Variants in DOCK1 observed in about 807,000 individuals in gnomAD.
DOCK1 encodes the protein dedicator of cytokinesis protein 1.
Under a neutral mutation model 262.7 loss-of-function variants are expected in DOCK1, and 138 were observed. The ratio of observed to expected loss-of-function variants is 0.53; its 90% CI spans 0.46 to 0.61. DOCK1 has a LOEUF of 0.61. Among genes scored for constraint, DOCK1 ranks in the 20% least tolerant of loss-of-function variants. The pLI is 0.00. For missense variants in DOCK1, 1,908 were observed against 2,370.7 expected (o/e 0.80, Z 4.05); for synonymous variants, 866 against 867.4 (o/e 1.00, Z 0.03).
intron 29 of DOCK1, among the ~76,000 whole-genome samples, chr10:127,336,580 C>T (rs1397183379): frequency 6.6e-6 from 1 of 151,238 alleles, no homozygotes; most frequent in African/African-American, 2.4e-5. Flanking sequence ...CACTCTGTCA[C>T]CCAGGCTGGA....
chr10:127,147,040 A>G (rs777303568), intron 27 of DOCK1, among the ~76,000 whole-genome samples: 1 of 152,176 alleles, frequency 6.6e-6, no homozygotes, highest in Non-Finnish European at 1.5e-5. Context: ...TTGGTGTTGT[A>G]ATACATTACC....
At position 127,439,225 on chromosome 10, in the gene DOCK1, G is replaced by A. The variant is rs2069905045; in HGVS notation, c.5259G>A (p.Thr1753=). ...CTGAGGCTGTGATCCTTTCGGAAAC[G>A]GTAACCCGACAGGGTATCTTTCCTC... ...QQSEAVILSE[T]ISPLRPQRPK... Residue 1753 remains threonine, a splice_region_variant and synonymous_variant, in exon 49 of 52, where the codon ACG becomes ACA. Transcript: ENST00000623213. 3.1e-6 allele frequency: 5 copies of A among 1,607,310 alleles called. No individual in the cohort carries two copies. Among genetic ancestry groups the A allele is most frequent in the South Asian group, 1.1e-5 (1 of 89,054 alleles).
intron 35 of DOCK1, among the ~76,000 whole-genome samples, chr10:127,379,340 C>T (rs1035809401): frequency 6.6e-6 from 1 of 152,232 alleles, no homozygotes; most frequent in Non-Finnish European, 1.5e-5. Context: ...CTTTCTCCAT[C>T]AGTGTTTATA....
At chr10:127,306,281 C>G (rs2061872817) in intron 29 of DOCK1, among the ~76,000 whole-genome samples, 1 of 152,128 alleles carries the variant, frequency 6.6e-6, no homozygotes, top group African/African-American at 2.4e-5. Flanking sequence ...TTCCAGAGTG[C>G]TGGGATTACA....
intron 29 of DOCK1, among the ~76,000 whole-genome samples, chr10:127,336,675 G>A (rs1056052867): frequency 2.6e-5 from 4 of 151,982 alleles, no homozygotes; most frequent in African/African-American, 4.8e-5. Flanking sequence ...AAGTAGCTGG[G>A]ACTGCAGGTG....
At chr10:127,207,451 A>G (rs181346360) in intron 27 of DOCK1, among the ~76,000 whole-genome samples, 1 of 152,362 alleles carries the variant, frequency 6.6e-6, no homozygotes, top group East Asian at 1.9e-4. Context: ...GGCCTTGTTT[A>G]ACTTGTACCT....
intron 27 of DOCK1, among the ~76,000 whole-genome samples, chr10:127,159,628 G>T (rs2053410141): frequency 6.6e-6 from 1 of 152,110 alleles, no homozygotes; most frequent in Non-Finnish European, 1.5e-5. Flanking sequence ...ATGCACCTTT[G>T]TATATTTATT....
At chr10:126,941,545 A>G (rs1273946503) in intron 1 of DOCK1, among the ~76,000 whole-genome samples, 5 of 152,274 alleles carry the variant, frequency 3.3e-5, no homozygotes, top group East Asian at 1.9e-4. Flanking sequence ...TCACGAGGTC[A>G]GGAGATCGAG....
intron 1 of DOCK1, among the ~76,000 whole-genome samples, chr10:126,951,801 C>T (rs1252984255): frequency 6.6e-6 from 1 of 151,604 alleles, no homozygotes; most frequent in African/African-American, 2.4e-5. Flanking sequence ...TCTTCATTTA[C>T]ATTGGGTGTA....
At chr10:127,310,097 A>G (rs866936850) in intron 29 of DOCK1, among the ~76,000 whole-genome samples, 2 of 151,726 alleles carry the variant, frequency 1.3e-5, no homozygotes, top group South Asian at 2.1e-4. Flanking sequence ...CTGGTCTCGA[A>G]CTCCCAACCT....
At chr10:127,352,034 C>T (rs1439190212) in intron 31 of DOCK1, among the ~76,000 whole-genome samples, 1 of 151,196 alleles carries the variant, frequency 6.6e-6, no homozygotes, top group Non-Finnish European at 1.5e-5. Flanking sequence ...TCCCCCAGTT[C>T]TCAAATACTA....
intron 27 of DOCK1, chr10:127,196,294 G>A (rs2057141731): frequency 6.7e-6 from 1 of 148,906 alleles, no homozygotes; most frequent in Non-Finnish European, 1.5e-5. Context: ...GGGAGGCAGC[G>A]GCTGGGCCAG....
At position 126,947,371 on chromosome 10, in the gene DOCK1, TTGG is replaced by T. The variant is rs1231313074; in HGVS notation, c.47-23325_47-23323del. Among the ~76,000 whole-genome samples the T allele has an allele frequency of 2.0e-3, 240 of 118,466 alleles. No individual in the cohort carries two copies. The East Asian group carries it at 0.023, about 11-fold the overall frequency. 77.7% of individuals were successfully genotyped at this position (118,466 alleles called of 152,430 possible). On this transcript the variant is annotated intron_variant, in intron 1 of 51. Transcript: ENST00000623213. ...ATGGTGGTGGTTGGTAGTATTACTG[TTGG>T]TGGTGATGGTGGTAGTTGGTAGTAT... is the stretch of plus-strand genomic sequence containing the variant.
At chr10:127,244,016 G>C (rs1332651311) in intron 27 of DOCK1, among the ~76,000 whole-genome samples, 1 of 151,912 alleles carries the variant, frequency 6.6e-6, no homozygotes, top group Non-Finnish European at 1.5e-5. Context: ...ATTTTCTCAT[G>C]CTATTAAAAT....
At chr10:127,000,401 C>A in intron 10 of DOCK1, 94 bp downstream of exon 10, 1 of 1,471,548 alleles carries the variant, frequency 6.8e-7, no homozygotes, top group Non-Finnish European at 9.1e-7. Context: ...CAATGCACAG[C>A]TGTGATTTAT....
At chr10:127,028,136 A>G (rs1365245484) in intron 16 of DOCK1, among the ~76,000 whole-genome samples, 2 of 152,114 alleles carry the variant, frequency 1.3e-5, no homozygotes, top group African/African-American at 4.8e-5. Flanking sequence ...CCAACAGTGC[A>G]TGCAGGCCAG....
intron 27 of DOCK1, among the ~76,000 whole-genome samples, chr10:127,153,463 C>G (rs1174046479): frequency 1.3e-5 from 2 of 152,202 alleles, no homozygotes; most frequent in Non-Finnish European, 2.9e-5. Flanking sequence ...CAGCCCAGGT[C>G]TTTCCATGGT....
chr10:126,961,556 C>T (rs1042012388), intron 1 of DOCK1, among the ~76,000 whole-genome samples: 40 of 152,288 alleles, frequency 2.6e-4, no homozygotes, highest in East Asian at 7.7e-4. Flanking sequence ...TTTGACAACT[C>T]GAGGAAGAGG....
At position 127,404,785 on chromosome 10, in the gene DOCK1, A is replaced by G. The variant is rs184439090; in HGVS notation, c.4122+356A>G. ...ACGTTGTTGTGCGGCCAGCACCACCATCTACCTTCAGAACTTTTTCATCTT... is the reference window on the plus strand; with the variant it reads ...ACGTTGTTGTGCGGCCAGCACCACCGTCTACCTTCAGAACTTTTTCATCTT... On this transcript the variant is annotated intron_variant, in intron 40 of 51. Transcript: ENST00000623213. Among the ~76,000 whole-genome samples the G allele has an allele frequency of 5.1e-4, 77 of 152,344 alleles. No homozygotes were observed. The East Asian group carries it at 0.014, about 27-fold the overall frequency.
Sources: allele counts gnomAD v4.1 joint callset (sites outside exome capture counted in the v4.1 genomes callset), GRCh38; gene constraint gnomAD v4.1.1; transcripts MANE v1.5; gene names NCBI Gene and HGNC (gene_info 2026-07-23, HGNC 2026-07-21).